The following IRAG2 variants were observed in gnomAD, a reference collection of about 807,000 sequenced individuals.
IRAG2 encodes inositol 1,4,5-triphosphate receptor associated 2.
IRAG2 carries 45 observed loss-of-function variants against 69.9 expected under a neutral mutation model. The ratio of observed to expected loss-of-function variants is 0.64; its 90% CI spans 0.51 to 0.83. The LOEUF (loss-of-function observed/expected upper bound fraction) is 0.83, where lower values mean the gene tolerates loss of function less well. IRAG2 is among the 40% of genes least tolerant of loss of function. The pLI is 0.00. For synonymous variants in IRAG2, 193 were observed against 202.4 expected, an observed-to-expected ratio of 0.95 and a Z score of 0.40; for missense variants, 520 against 587.0, an observed-to-expected ratio of 0.89 and a Z score of 1.18.
At chr12:25,082,711 G>A (rs1040041845) in intron 9 of IRAG2, among the ~76,000 whole-genome samples, 2 of 152,060 alleles carry the variant, frequency 1.3e-5, no homozygotes, top group Admixed American at 6.6e-5. Flanking sequence ...TTACCATTTT[G>A]TTCTTATTTC....
chr12:25,005,003 A>G (rs1944420067), intron 1 of IRAG2: 1 of 849,114 alleles, frequency 1.2e-6, no homozygotes. Flanking sequence ...AAAAATCTAC[A>G]TTATTAAAGT....
chr12:25,004,604 C>G (rs948722434), exon 1 of IRAG2: 1 of 1,231,948 alleles, frequency 8.1e-7, no homozygotes, highest in Middle Eastern at 3.1e-4. Context: ...TTCATTTCAT[C>G]GCCTCAAATA....
At chr12:25,095,364 A>G (rs1592082860) in intron 14 of IRAG2, among the ~76,000 whole-genome samples, 1 of 152,042 alleles carries the variant, frequency 6.6e-6, no homozygotes, top group Non-Finnish European at 1.5e-5. Context: ...AGTGTGTTCA[A>G]TCTTATCACA....
At chr12:25,012,592 C>T (rs1228825918) in intron 3 of IRAG2, among the ~76,000 whole-genome samples, 2 of 152,120 alleles carry the variant, frequency 1.3e-5, no homozygotes, top group African/African-American at 4.8e-5. Flanking sequence ...TTTTGGGAGG[C>T]TGAGGCAGGT....
chr12:25,091,879 A>G (rs1948086033), intron 14 of IRAG2, among the ~76,000 whole-genome samples: 1 of 152,102 alleles, frequency 6.6e-6, no homozygotes, highest in Non-Finnish European at 1.5e-5. Context: ...GCATCTTTTC[A>G]TGTGCTTGCT....
At chr12:25,074,222 G>T (rs1449519604) in intron 6 of IRAG2, among the ~76,000 whole-genome samples, 7 of 152,102 alleles carry the variant, frequency 4.6e-5, no homozygotes, top group Admixed American at 1.3e-4. Flanking sequence ...GTATCACTGA[G>T]TTCTGGCCTA....
chr12:25,031,636 C>T (rs1944668110), intron 10 of IRAG2, among the ~76,000 whole-genome samples: 1 of 152,028 alleles, frequency 6.6e-6, no homozygotes, highest in Non-Finnish European at 1.5e-5. Context: ...ATATTGCTCC[C>T]TTTTTGTCCG....
At chr12:25,037,068 A>G (rs944103043) in intron 15 of IRAG2, among the ~76,000 whole-genome samples, 5 of 152,214 alleles carry the variant, frequency 3.3e-5, no homozygotes, top group African/African-American at 1.2e-4. Flanking sequence ...TGACGGTTTT[A>G]CTATCTCAGG....
intron 6 of IRAG2, among the ~76,000 whole-genome samples, chr12:25,075,250 T>C (rs564510017): frequency 1.3e-5 from 2 of 152,326 alleles, no homozygotes; most frequent in Admixed American, 1.3e-4. Context: ...TCTAATAGAC[T>C]CTTTGTTAAG....
At chr12:25,080,355 C>CT (rs558659761) in intron 9 of IRAG2, among the ~76,000 whole-genome samples, 25,236 of 140,958 alleles carry the variant, frequency 0.18, 2,427 homozygotes, top group African/African-American at 0.22. Flanking sequence ...TTTCTTTTAT[C>CT]TTTTTTTTTT....
intron 17 of IRAG2, 91 bp from the exon 18 acceptor site, chr12:25,103,746 G>A (rs753458901): frequency 1.1e-4 from 95 of 898,326 alleles, no homozygotes; most frequent in Middle Eastern, 3.2e-4. Context: ...TCAAGTACAC[G>A]GATATGCATG....
intron 16 of IRAG2, among the ~76,000 whole-genome samples, chr12:25,040,574 TGA>T (rs1944740441): frequency 6.6e-6 from 1 of 152,050 alleles, no homozygotes; most frequent in Non-Finnish European, 1.5e-5. Flanking sequence ...TTTGTGAGGA[TGA>T]GAGAGAATTC....
At chr12:25,016,122 G>A (rs1591925306) in intron 5 of IRAG2, among the ~76,000 whole-genome samples, 1 of 151,672 alleles carries the variant, frequency 6.6e-6, no homozygotes, top group Non-Finnish European at 1.5e-5. Flanking sequence ...CTTGAACCCG[G>A]AAGGTGGAGA....
chr12:25,096,056 G>A (rs1948395922), intron 14 of IRAG2, among the ~76,000 whole-genome samples: 1 of 152,202 alleles, frequency 6.6e-6, no homozygotes, highest in African/African-American at 2.4e-5. Context: ...ATGTGCAACA[G>A]GCAGTTGGCA....
At chr12:25,052,554 T>C (rs1313304109), upstream of IRAG2, 2 of 396,968 alleles carry the variant, frequency 5.0e-6, no homozygotes, top group African/African-American at 4.1e-5. Flanking sequence ...AGCCTGCTGA[T>C]GAAAGAGGCG....
At chr12:25,063,648 A>G (rs934300628) in intron 3 of IRAG2, 72 bp from the exon 4 acceptor site, 3 of 398,344 alleles carry the variant, frequency 7.5e-6, no homozygotes, top group Non-Finnish European at 1.3e-5. Context: ...CACCTTTGAA[A>G]TGGAGGTAGT....
At chr12:25,094,709 G>T (rs1948304770) in intron 14 of IRAG2, among the ~76,000 whole-genome samples, 1 of 131,102 alleles carries the variant, frequency 7.6e-6, no homozygotes, top group Non-Finnish European at 1.7e-5. Flanking sequence ...TGAACACAGG[G>T]TGTCTTTCCA....
intron 9 of IRAG2, among the ~76,000 whole-genome samples, chr12:25,027,553 C>T (rs1218209248): frequency 1.3e-5 from 2 of 151,948 alleles, no homozygotes; most frequent in South Asian, 2.1e-4. Flanking sequence ...CGCCACCACA[C>T]CCAGCTAATT....
intron 2 of IRAG2, among the ~76,000 whole-genome samples, chr12:25,062,442 A>G (rs1945693913): frequency 6.6e-6 from 1 of 152,212 alleles, no homozygotes; most frequent in Non-Finnish European, 1.5e-5. Flanking sequence ...TTATAATATA[A>G]CTATGATAGA....
Sources: gnomAD v4.1 joint callset for allele counts (sites outside exome capture counted in the v4.1 genomes callset) on GRCh38, gnomAD v4.1.1 for gene constraint, MANE v1.5 for transcripts, NCBI Gene and HGNC (gene_info 2026-07-23, HGNC 2026-07-21) for gene names.